The following BTF3L4 variants were observed in gnomAD, a reference collection of about 807,000 sequenced individuals.
BTF3L4 encodes transcription factor BTF3 homolog 4.
A neutral mutation model predicts 16.8 loss-of-function variants in BTF3L4; 6 were observed. The observed-to-expected ratio is 0.36, with a 90% CI of 0.20 to 0.71. BTF3L4 has a LOEUF of 0.71. Among genes scored for constraint, BTF3L4 ranks in the 30% least tolerant of loss-of-function variants. The pLI is 0.58. For synonymous variants in BTF3L4, 39 were observed against 59.8 expected (o/e 0.65, Z 1.60); for missense variants, 92 against 186.9 (o/e 0.49, Z 2.96).
At chr1:52,086,282 T>C (rs1643972483) in intron 5 of BTF3L4, 111 bp downstream of exon 5, 1 of 762,076 alleles carries the variant, frequency 1.3e-6, no homozygotes, top group Non-Finnish European at 2.1e-6. Flanking sequence ...TGAATTTAAA[T>C]TGATTCACAA....
At chr1:52,074,860 A>G (rs1686891323) in intron 3 of BTF3L4, among the ~76,000 whole-genome samples, 1 of 151,690 alleles carries the variant, frequency 6.6e-6, no homozygotes, top group African/African-American at 2.4e-5. Context: ...TAAATTTTTT[A>G]TTTTGAAACA....
At chr1:52,085,833 A>T (rs760650031) in intron 4 of BTF3L4, among the ~76,000 whole-genome samples, 1 of 152,214 alleles carries the variant, frequency 6.6e-6, no homozygotes, top group Non-Finnish European at 1.5e-5. Flanking sequence ...CAACAGAGTG[A>T]GACCCTGTCT....
In BTF3L4 at chr1:52,083,364, A is replaced by C; in HGVS notation, c.193A>C (p.Thr65Pro). The C allele has an allele frequency of 6.2e-7, 1 of 1,613,174 alleles. No individual in the cohort carries two copies. Among genetic ancestry groups the C allele is most frequent in the Non-Finnish European group, 8.5e-7 (1 of 1,179,322 alleles). ...EEVNMIKDDG[T>P]VIHFNNPKVQ... Reference sequence around the variant, plus strand: ...GGTGAACATGATTAAAGATGATGGGACAGTTATTCATTTCAACAATCCCAA... The same window carrying C: ...GGTGAACATGATTAAAGATGATGGGCCAGTTATTCATTTCAACAATCCCAA... The change falls in exon 4 of 6, where the codon ACA becomes CCA. Residue 65 changes from threonine (T) to proline (P), a missense_variant. Transcript: ENST00000313334.
chr1:52,076,076 AC>A (rs1278037665), intron 3 of BTF3L4, among the ~76,000 whole-genome samples: 1 of 152,186 alleles, frequency 6.6e-6, no homozygotes, highest in Non-Finnish European at 1.5e-5. Context: ...AGTTCACACT[AC>A]CTGCAGCATA....
chr1:52,075,865 A>G (rs1686920312), intron 3 of BTF3L4, among the ~76,000 whole-genome samples: 1 of 151,894 alleles, frequency 6.6e-6, no homozygotes, highest in Non-Finnish European at 1.5e-5. Context: ...GGGTTTTATC[A>G]TGTTGGCCAG....
intron 3 of BTF3L4, among the ~76,000 whole-genome samples, chr1:52,074,631 G>A (rs1572027892): frequency 6.6e-6 from 1 of 150,806 alleles, no homozygotes; most frequent in African/African-American, 2.4e-5. Context: ...CAAAGTGCTA[G>A]GATTACAGGT....
intron 3 of BTF3L4, 142 bp from the exon 4 acceptor site, chr1:52,083,191 TCCACGAA>T: frequency 3.1e-6 from 2 of 643,274 alleles, no homozygotes; most frequent in Admixed American, 2.9e-5. Flanking sequence ...ATGATCTTTT[TCCACGAA>T]TGTCCGTTGC....
chr1:52,057,323 T>C (rs990770324), intron 1 of BTF3L4, among the ~76,000 whole-genome samples: 3 of 152,256 alleles, frequency 2.0e-5, no homozygotes, highest in African/African-American at 7.2e-5. Context: ...TTAATAAATA[T>C]AAACCTGTTT....
At chr1:52,082,396 C>T (rs1228160682) in intron 3 of BTF3L4, among the ~76,000 whole-genome samples, 1 of 152,036 alleles carries the variant, frequency 6.6e-6, no homozygotes, top group Admixed American at 6.6e-5. Flanking sequence ...ATTTCTTTGA[C>T]CTTTACAGGG....
At chr1:52,079,643 A>G (rs1236861789) in intron 3 of BTF3L4, among the ~76,000 whole-genome samples, 1 of 152,112 alleles carries the variant, frequency 6.6e-6, no homozygotes, top group Non-Finnish European at 1.5e-5. Flanking sequence ...GTAAAATATA[A>G]CAACATTTAG....
At chr1:52,061,831 G>A (rs1686519023) in intron 2 of BTF3L4, among the ~76,000 whole-genome samples, 5 of 151,358 alleles carry the variant, frequency 3.3e-5, no homozygotes, top group African/African-American at 9.7e-5. Flanking sequence ...TAGTAGAGAT[G>A]GAGTTTCTTC....
rs752725560 is a variant in BTF3L4 at position 52,059,819 on chromosome 1, A to AT, written c.-13-11dup. The AT allele has an allele frequency of 5.0e-6, 8 of 1,612,392 alleles. No individual in the cohort carries two copies. Among genetic ancestry groups the AT allele is most frequent in the Non-Finnish European group, 6.8e-6 (8 of 1,178,978 alleles). ...GCAAAAGAGTGACTTTAACAAATCT[A>AT]TTTTTCCCCCCCTAGATTTACCAAC... On this transcript the variant is annotated splice_polypyrimidine_tract_variant and intron_variant, in intron 1 of 5. Coordinates refer to ENST00000313334, the MANE Select transcript of BTF3L4 (RefSeq NM_152265.5).
chr1:52,063,469 G>C (rs979253646), intron 2 of BTF3L4, among the ~76,000 whole-genome samples: 1 of 151,766 alleles, frequency 6.6e-6, no homozygotes, highest in African/African-American at 2.4e-5. Flanking sequence ...CACTCCCACC[G>C]GAATTGCTGA....
At position 52,089,601 on chromosome 1, in the gene BTF3L4, G is replaced by C. The variant is rs546848586; in HGVS notation, c.*2843G>C. ...AGATAACAATGATAAAAACATTTTG[G>C]GGGGGAAATTGACCTTAAAATTTTG... is the stretch of plus-strand genomic sequence containing the variant. On this transcript the variant is annotated 3_prime_UTR_variant, in exon 6 of 6. Coordinates refer to ENST00000313334, the MANE Select transcript of BTF3L4 (RefSeq NM_152265.5). 11 of 152,160 alleles carry C rather than the reference G, an allele frequency of 7.2e-5. No homozygotes were observed. In the South Asian group the frequency reaches 2.3e-3, roughly 32 times the overall value. The allele number at this position is 152,160 out of a possible 1,614,324, so 9.4% of individuals were successfully genotyped here. A position where few individuals can be genotyped will look rare whatever the true frequency, so the allele number is the denominator to read the frequency against.
At chr1:52,073,007 A>G (rs191219091) in intron 3 of BTF3L4, among the ~76,000 whole-genome samples, 1 of 151,962 alleles carries the variant, frequency 6.6e-6, no homozygotes, top group East Asian at 1.9e-4. Context: ...GCAGTGAGCC[A>G]AGATCGTGCC....
At chr1:52,084,671 A>G (rs895403338) in intron 4 of BTF3L4, among the ~76,000 whole-genome samples, 2 of 151,974 alleles carry the variant, frequency 1.3e-5, no homozygotes, top group Admixed American at 6.6e-5. Context: ...ACGTGCCTGT[A>G]GTCATAGCTA....
chr1:52,075,427 C>T (rs1686905742), intron 3 of BTF3L4, among the ~76,000 whole-genome samples: 2 of 148,804 alleles, frequency 1.3e-5, no homozygotes, highest in South Asian at 4.2e-4. Context: ...GAGGCTGAGG[C>T]AAGAGAATTG....
intron 3 of BTF3L4, among the ~76,000 whole-genome samples, chr1:52,077,645 A>G (rs535962324): frequency 1.3e-5 from 2 of 152,216 alleles, no homozygotes; most frequent in African/African-American, 2.4e-5. Flanking sequence ...TCAAGCCTCC[A>G]TGAACTGAGA....
chr1:52,079,381 C>CAA (rs11441352), intron 3 of BTF3L4, among the ~76,000 whole-genome samples: 4,963 of 126,006 alleles, frequency 0.039, 128 homozygotes, highest in African/African-American at 0.058. Context: ...GACTCCATCT[C>CAA]AAAAAAAAAA....
Sources: gnomAD v4.1 joint callset for allele counts (sites outside exome capture counted in the v4.1 genomes callset) on GRCh38, gnomAD v4.1.1 for gene constraint, MANE v1.5 for transcripts, NCBI Gene and HGNC (gene_info 2026-07-23, HGNC 2026-07-21) for gene names.